Variants in GRM7 observed in about 807,000 individuals in gnomAD.
GRM7 encodes the protein glutamate metabotropic receptor 7.
GRM7 carries 35 observed loss-of-function variants against 84.5 expected under a neutral mutation model. The observed-to-expected ratio is 0.41, with a 90% confidence interval of 0.32 to 0.55. The LOEUF is 0.55. Among genes scored for constraint, GRM7 ranks in the 20% least tolerant of loss-of-function variants. The probability of loss-of-function intolerance (pLI) is 0.19; values close to 1 mark genes in which losing one functional copy is unlikely to be tolerated. For synonymous variants in GRM7, 487 were observed against 455.1 expected, an observed-to-expected ratio of 1.07 and a Z score of -0.89; for missense variants, 1,003 against 1,194.6, an observed-to-expected ratio of 0.84 and a Z score of 2.36.
At chr3:7,104,698 C>T (rs1294363485) in intron 1 of GRM7, among the ~76,000 whole-genome samples, 1 of 151,618 alleles carries the variant, frequency 6.6e-6, no homozygotes, top group Non-Finnish European at 1.5e-5. Flanking sequence ...TCATTTTTAT[C>T]AGTCATCAAG....
intron 7 of GRM7, among the ~76,000 whole-genome samples, chr3:7,531,200 G>A (rs1701023188): frequency 6.6e-6 from 1 of 152,138 alleles, no homozygotes; most frequent in African/African-American, 2.4e-5. Context: ...ATTAAACAGG[G>A]AATCTTCCCC....
intron 1 of GRM7, among the ~76,000 whole-genome samples, chr3:6,990,107 A>C (rs1694578658): frequency 6.6e-6 from 1 of 152,200 alleles, no homozygotes. Flanking sequence ...TATTTATGCC[A>C]GCAGGGGCTC....
At chr3:7,369,579 G>A (rs962452560) in intron 4 of GRM7, among the ~76,000 whole-genome samples, 1 of 152,120 alleles carries the variant, frequency 6.6e-6, no homozygotes, top group Non-Finnish European at 1.5e-5. Flanking sequence ...ATGAAAGAAG[G>A]GGAATGGATG....
intron 4 of GRM7, among the ~76,000 whole-genome samples, chr3:7,340,896 C>G (rs1277468250): frequency 6.6e-6 from 1 of 152,108 alleles, no homozygotes; most frequent in Non-Finnish European, 1.5e-5. Flanking sequence ...GTGTCTGCAT[C>G]AAGTCTAGAA....
chr3:7,523,529 G>A (rs1233728674), intron 7 of GRM7, among the ~76,000 whole-genome samples: 1 of 152,138 alleles, frequency 6.6e-6, no homozygotes, highest in East Asian at 1.9e-4. Context: ...TGGATCAAAG[G>A]CCAGGGCTAA....
chr3:7,068,038 T>C (rs1285193590), intron 1 of GRM7, among the ~76,000 whole-genome samples: 2 of 152,032 alleles, frequency 1.3e-5, no homozygotes, highest in Non-Finnish European at 2.9e-5. Context: ...GAGAACATTT[T>C]AGATAATTCT....
intron 6 of GRM7, among the ~76,000 whole-genome samples, chr3:7,457,824 A>G (rs893984900): frequency 1.3e-5 from 2 of 152,082 alleles, no homozygotes; most frequent in Non-Finnish European, 2.9e-5. Context: ...TCTGGCTACA[A>G]CCCCAGTTGA....
At chr3:7,274,522 G>T (rs1698981513) in intron 2 of GRM7, among the ~76,000 whole-genome samples, 1 of 151,776 alleles carries the variant, frequency 6.6e-6, no homozygotes, top group Non-Finnish European at 1.5e-5. Flanking sequence ...AATTTTACAG[G>T]TTATGAAATT....
chr3:7,622,032 G>A (rs1045420770), intron 8 of GRM7, among the ~76,000 whole-genome samples: 2 of 152,080 alleles, frequency 1.3e-5, no homozygotes, highest in African/African-American at 2.4e-5. Flanking sequence ...CTCAGCATTC[G>A]CAGTCCTGGG....
chr3:6,969,430 G>A (rs756389434), intron 1 of GRM7, among the ~76,000 whole-genome samples: 1 of 152,094 alleles, frequency 6.6e-6, no homozygotes, highest in East Asian at 1.9e-4. Flanking sequence ...TTCTGAGGTC[G>A]CATAGTGTAT....
At chr3:7,369,299 A>T (rs1694038283) in intron 4 of GRM7, among the ~76,000 whole-genome samples, 1 of 152,106 alleles carries the variant, frequency 6.6e-6, no homozygotes, top group Admixed American at 6.6e-5. Context: ...AGCGATCCTA[A>T]AGAGATGACT....
intron 7 of GRM7, among the ~76,000 whole-genome samples, chr3:7,528,847 T>C (rs1008218979): frequency 2.0e-5 from 3 of 152,120 alleles, no homozygotes; most frequent in Admixed American, 2.0e-4. Flanking sequence ...TTGGTATTGA[T>C]TTCTATTTTT....
In GRM7 at chr3:7,068,701, C is replaced by T. The variant is rs143878328; in HGVS notation, c.520-77751C>T. 4.9e-3 allele frequency among the ~76,000 whole-genome samples: 744 copies of T among 151,956 alleles called. 7 individuals are homozygous for T. Among genetic ancestry groups the T allele is most frequent in the Middle Eastern group, 0.034 (10 of 292 alleles). On this transcript the variant is annotated intron_variant, in intron 1 of 9. Coordinates refer to ENST00000357716, the MANE Select transcript of GRM7 (RefSeq NM_000844.4). ...TCTCAATCCTAGTTTTCTCCTGAAC[C>T]CTATTACTTTTAATACTGTTTCAGA...
At chr3:7,410,656 C>CACACACACA (rs1553585549) in intron 4 of GRM7, among the ~76,000 whole-genome samples, 193 of 142,672 alleles carry the variant, frequency 1.4e-3, no homozygotes, top group African/African-American at 4.7e-3. Context: ...ACCACCACCA[C>CACACACACA]CACACACACA....
chr3:7,566,787 C>A (rs1694299025), intron 7 of GRM7, among the ~76,000 whole-genome samples: 1 of 151,964 alleles, frequency 6.6e-6, no homozygotes, highest in South Asian at 2.1e-4. Context: ...TAAGGCTGTC[C>A]CGATTCTTCC....
intron 4 of GRM7, among the ~76,000 whole-genome samples, chr3:7,336,938 T>A (rs1285239787): frequency 1.3e-5 from 2 of 151,620 alleles, no homozygotes; most frequent in Non-Finnish European, 2.9e-5. Flanking sequence ...CATGAATGGG[T>A]AGAATCAATA....
At chr3:7,178,376 GT>G (rs908528147) in intron 2 of GRM7, among the ~76,000 whole-genome samples, 114 of 147,920 alleles carry the variant, frequency 7.7e-4, no homozygotes, top group African/African-American at 2.5e-3. Context: ...TCAGATTTTG[GT>G]TTTTTTTTTC....
At chr3:7,424,779 G>A (rs1426226726) in intron 5 of GRM7, among the ~76,000 whole-genome samples, 1 of 152,118 alleles carries the variant, frequency 6.6e-6, no homozygotes, top group Non-Finnish European at 1.5e-5. Context: ...GAGGCAGAAA[G>A]AAAACCAAAA....
At position 7,188,945 on chromosome 3, in the gene GRM7, G is replaced by C. The variant is rs1400298232; in HGVS notation, c.736+42277G>C. 2.0e-5 allele frequency among the ~76,000 whole-genome samples: 3 copies of C among 152,166 alleles called. No homozygotes were observed. Among genetic ancestry groups the C allele is most frequent in the African/African-American group, 7.2e-5 (3 of 41,448 alleles). On this transcript the variant is annotated intron_variant, in intron 2 of 9. Coordinates refer to ENST00000357716, the MANE Select transcript of GRM7 (RefSeq NM_000844.4). The surrounding 1 kb of genome is among the most constrained non-coding windows in gnomAD (Gnocchi z 4.2). ...CTATTGTCAATAGCTGGATGGATGT[G>C]TGTGGACTCATCTAGGAACAAAGAG...
Sources: gnomAD v4.1 joint callset for allele counts (sites outside exome capture counted in the v4.1 genomes callset) on GRCh38, gnomAD v4.1.1 for gene constraint, Gnocchi (gnomAD v3.1) non-coding constraint, MANE v1.5 for transcripts, NCBI Gene and HGNC (gene_info 2026-07-23, HGNC 2026-07-21) for gene names.